The following RGS22 variants were observed in gnomAD, a reference collection of about 807,000 sequenced individuals.
RGS22 encodes the protein regulator of G-protein signaling 22.
Under a neutral mutation model 172.9 loss-of-function variants are expected in RGS22, and 148 were observed. The ratio of observed to expected loss-of-function variants is 0.86; its 90% CI spans 0.75 to 0.98. RGS22 has a LOEUF of 0.98. RGS22 is among the 50% of genes least tolerant of loss of function. The pLI is 0.00. For synonymous variants in RGS22, 458 were observed against 480.2 expected, an observed-to-expected ratio of 0.95 and a Z score of 0.60; for missense variants, 1,347 against 1,440.8, an observed-to-expected ratio of 0.93 and a Z score of 1.05.
chr8:99,972,465 A>G (rs1263695442), intron 23 of RGS22, among the ~76,000 whole-genome samples: 1 of 152,170 alleles, frequency 6.6e-6, no homozygotes, highest in African/African-American at 2.4e-5. Flanking sequence ...GGAACAGGCA[A>G]CCTACAGATT....
intron 14 of RGS22, among the ~76,000 whole-genome samples, chr8:100,013,297 T>G (rs1816615503): frequency 6.6e-6 from 1 of 152,098 alleles, no homozygotes; most frequent in South Asian, 2.1e-4. Context: ...CCTGATTTCT[T>G]TTTTTAAATG....
chr8:100,071,078 T>G (rs1810935282), intron 6 of RGS22, among the ~76,000 whole-genome samples: 1 of 151,818 alleles, frequency 6.6e-6, no homozygotes, highest in African/African-American at 2.4e-5. Flanking sequence ...AGCCTAGGAG[T>G]TCGAGACCAG....
At chr8:100,086,663 TACCCAGGTA>T (rs1812185787) in intron 3 of RGS22, among the ~76,000 whole-genome samples, 1 of 152,074 alleles carries the variant, frequency 6.6e-6, no homozygotes, top group Admixed American at 6.6e-5. Context: ...TGACGCAATA[TACCCAGGTA>T]ACAAACCTGC....
intron 6 of RGS22, among the ~76,000 whole-genome samples, chr8:100,070,639 G>A (rs1810897811): frequency 6.6e-6 from 1 of 152,058 alleles, no homozygotes; most frequent in Non-Finnish European, 1.5e-5. Flanking sequence ...TATTGTTTTA[G>A]TATTTAATGG....
intron 2 of RGS22, among the ~76,000 whole-genome samples, chr8:100,098,427 C>T (rs1740725164): frequency 2.0e-5 from 3 of 152,216 alleles, no homozygotes; most frequent in Admixed American, 2.0e-4. Flanking sequence ...CTCCACAACA[C>T]ATCTTGTTGA....
intron 14 of RGS22, 112 bp from the exon 15 acceptor site, chr8:100,008,681 T>C: frequency 1.4e-6 from 1 of 724,614 alleles, no homozygotes; most frequent in South Asian, 2.2e-5. Context: ...TAAGCCCACG[T>C]GATATTTTTC....
At chr8:99,985,481 T>C (rs1812994385) in intron 21 of RGS22, among the ~76,000 whole-genome samples, 2 of 152,240 alleles carry the variant, frequency 1.3e-5, no homozygotes, top group Admixed American at 6.5e-5. Flanking sequence ...TTCTCTCCTC[T>C]GTGCCAAAAC....
chr8:100,043,593 T>C (rs947800193), intron 11 of RGS22, among the ~76,000 whole-genome samples: 12 of 152,044 alleles, frequency 7.9e-5, no homozygotes, highest in Non-Finnish European at 1.5e-5. Flanking sequence ...CTGGTCCACA[T>C]GGTGAAACCC....
At chr8:100,074,700 G>C (rs1413178636) in intron 4 of RGS22, among the ~76,000 whole-genome samples, 1 of 151,888 alleles carries the variant, frequency 6.6e-6, no homozygotes, top group Non-Finnish European at 1.5e-5. Context: ...CAGCTTTTGT[G>C]ATCATGAATA....
intron 2 of RGS22, among the ~76,000 whole-genome samples, chr8:100,095,338 C>A (rs1441490833): frequency 1.3e-5 from 2 of 152,088 alleles, no homozygotes; most frequent in Non-Finnish European, 2.9e-5. Context: ...CACATGCCAC[C>A]GTGCCCAGCT....
At chr8:100,082,427 C>A (rs900630094) in intron 3 of RGS22, among the ~76,000 whole-genome samples, 1 of 152,138 alleles carries the variant, frequency 6.6e-6, no homozygotes, top group South Asian at 2.1e-4. Context: ...TTGCTCCCTT[C>A]GTGTCCATGT....
At chr8:100,042,293 G>A (rs999941912) in intron 11 of RGS22, among the ~76,000 whole-genome samples, 12 of 152,060 alleles carry the variant, frequency 7.9e-5, no homozygotes. Flanking sequence ...AAATTTTAAT[G>A]TGTTTTAGAG....
intron 6 of RGS22, 97 bp from the exon 7 acceptor site, chr8:100,066,393 A>C (rs1810539100): frequency 1.1e-6 from 1 of 905,480 alleles, no homozygotes; most frequent in African/African-American, 1.7e-5. Context: ...CAACTTGCAC[A>C]GTACAATATG....
intron 20 of RGS22, among the ~76,000 whole-genome samples, chr8:99,988,569 C>A (rs886539659): frequency 6.6e-6 from 1 of 152,114 alleles, no homozygotes; most frequent in African/African-American, 2.4e-5. Flanking sequence ...GATTTAGCAA[C>A]ACATAAAATA....
chr8:100,010,794 G>A (rs1163852739), intron 14 of RGS22, among the ~76,000 whole-genome samples: 5 of 151,578 alleles, frequency 3.3e-5, no homozygotes, highest in African/African-American at 1.2e-4. Flanking sequence ...AAACTCTTCA[G>A]AGAGAAGATA....
intron 14 of RGS22, among the ~76,000 whole-genome samples, chr8:100,023,260 C>A (rs1817813761): frequency 6.6e-6 from 1 of 152,050 alleles, no homozygotes; most frequent in Non-Finnish European, 1.5e-5. Context: ...CTGTATGAAC[C>A]CTATGAATAT....
At chr8:100,105,853 G>A (rs1813895661) in intron 1 of RGS22, 44 bp downstream of exon 1, 1 of 1,482,742 alleles carries the variant, frequency 6.7e-7, no homozygotes, top group South Asian at 1.3e-5. Context: ...GTGCGGCCCC[G>A]ACGCCGCGGG....
intron 12 of RGS22, 74 bp downstream of exon 12, chr8:100,041,728 C>A: frequency 3.7e-6 from 3 of 810,908 alleles, no homozygotes; most frequent in East Asian, 2.6e-5. Flanking sequence ...TAAATCAATA[C>A]AAATTCTCTA....
intron 8 of RGS22, among the ~76,000 whole-genome samples, 154 bp downstream of exon 8, chr8:100,063,262 C>G (rs1187252632): frequency 6.6e-6 from 1 of 151,992 alleles, no homozygotes; most frequent in Admixed American, 6.6e-5. Flanking sequence ...TCAATATTTA[C>G]TATTATAATA....
Sources: allele counts gnomAD v4.1 joint callset (sites outside exome capture counted in the v4.1 genomes callset), GRCh38; gene constraint gnomAD v4.1.1; transcripts MANE v1.5; gene names NCBI Gene and HGNC (gene_info 2026-07-23, HGNC 2026-07-21).